The following USP31 variants were observed in gnomAD, a reference collection of about 807,000 sequenced individuals.
USP31 encodes the protein ubiquitin specific peptidase 31.
USP31 carries 44 observed loss-of-function variants against 119.4 expected under a neutral mutation model. That is an observed-to-expected ratio of 0.37 (90% confidence interval 0.29 to 0.47). The LOEUF (loss-of-function observed/expected upper bound fraction) is 0.47, where lower values mean the gene tolerates loss of function less well. Ranked by LOEUF, USP31 falls within the 20% of genes least tolerant of loss-of-function variation. USP31 has a pLI of 0.99. For synonymous variants in USP31, 749 were observed against 705.6 expected, an observed-to-expected ratio of 1.06 and a Z score of -0.97; for missense variants, 1,643 against 1,730.2, an observed-to-expected ratio of 0.95 and a Z score of 0.89.
At position 23,064,961 on chromosome 16, in the gene USP31, G is replaced by C. The variant is rs1031243007; in HGVS notation, c.*3085C>G. 86 of 152,278 alleles carry C rather than the reference G, an allele frequency of 5.6e-4. No homozygotes were observed. Among genetic ancestry groups the C allele is most frequent in the African/African-American group, 1.7e-3 (72 of 41,540 alleles). 9.4% of individuals were successfully genotyped at this position (152,278 alleles called of 1,614,324 possible). A position where few individuals can be genotyped will look rare whatever the true frequency, so the allele number is the denominator to read the frequency against. On this transcript the variant is annotated 3_prime_UTR_variant, in exon 16 of 16. Transcript: ENST00000219689. ...ATTATTACTTACTTTCAGTTCAGCT[G>C]CTTTCAGGACGAGAAAATACAAAAC...
intron 5 of USP31, 61 bp from the exon 6 acceptor site, chr16:23,102,524 C>A: frequency 1.3e-6 from 2 of 1,556,154 alleles, no homozygotes; most frequent in Non-Finnish European, 1.7e-6. Flanking sequence ...ATTGATCTCC[C>A]AATTCTATGA....
intron 1 of USP31, among the ~76,000 whole-genome samples, chr16:23,111,615 G>C (rs1327526876): frequency 6.6e-6 from 1 of 152,166 alleles, no homozygotes; most frequent in East Asian, 1.9e-4. Context: ...CAACAGATGG[G>C]GGGTGGTGGT....
chr16:23,122,480 CAT>C (rs1902704657), intron 1 of USP31, among the ~76,000 whole-genome samples: 2 of 152,288 alleles, frequency 1.3e-5, no homozygotes, highest in South Asian at 4.1e-4. Context: ...GGAACAAAAA[CAT>C]ATCTCCACAT....
chr16:23,130,115 G>A (rs1317794432), intron 1 of USP31, among the ~76,000 whole-genome samples: 1 of 152,188 alleles, frequency 6.6e-6, no homozygotes, highest in Non-Finnish European at 1.5e-5. Context: ...CTCTTTCCCT[G>A]TGTTCCTCTG....
intron 1 of USP31, among the ~76,000 whole-genome samples, chr16:23,146,050 A>AT (rs1903493442): frequency 6.6e-6 from 1 of 152,204 alleles, no homozygotes; most frequent in East Asian, 1.9e-4. Flanking sequence ...AGCTTAATGG[A>AT]TAAAAAAGTG....
chr16:23,142,442 C>T (rs1044601323), intron 1 of USP31, among the ~76,000 whole-genome samples: 13 of 152,206 alleles, frequency 8.5e-5, no homozygotes, highest in African/African-American at 2.4e-5. Context: ...AAATGTTACA[C>T]GTTTCAGCAC....
At chr16:23,140,842 G>A (rs1313907298) in intron 1 of USP31, among the ~76,000 whole-genome samples, 1 of 152,162 alleles carries the variant, frequency 6.6e-6, no homozygotes, top group African/African-American at 2.4e-5. Context: ...TATTCTGGAT[G>A]CTCTCCTCAA....
At position 23,149,324 on chromosome 16, in the gene USP31, G is replaced by A. The variant is rs889519184; in HGVS notation, c.-54C>T. The A allele has an allele frequency of 5.1e-3, 5,129 of 1,008,748 alleles. 18 individuals carry two copies. Among genetic ancestry groups the A allele is most frequent in the Non-Finnish European group, 5.8e-3 (4,892 of 847,880 alleles). The allele number at this position is 1,008,748 out of a possible 1,614,324, so 62.5% of individuals were successfully genotyped here. The stretch of plus-strand genomic sequence containing the variant: ...GCCCGCCCGCCCGGCCCGCGGCCCC[G>A]CCACGGCCGCCGCCGCATCCCGCAG... On this transcript the variant is annotated 5_prime_UTR_variant, in exon 1 of 16. Coordinates refer to ENST00000219689, the MANE Select transcript of USP31 (RefSeq NM_020718.4).
At chr16:23,145,511 G>A (rs562245944) in intron 1 of USP31, among the ~76,000 whole-genome samples, 29 of 152,226 alleles carry the variant, frequency 1.9e-4, no homozygotes, top group African/African-American at 6.5e-4. Flanking sequence ...CAATTGACAT[G>A]GTTATAGCCA....
chr16:23,148,888 G>C lies in USP31; in HGVS notation c.383C>G (p.Ala128Gly). 3 of 1,456,190 alleles carry C rather than the reference G, an allele frequency of 2.1e-6. No individual in the cohort carries two copies. Among genetic ancestry groups the C allele is most frequent in the Non-Finnish European group, 2.7e-6 (3 of 1,096,372 alleles). 90.2% of individuals were successfully genotyped at this position (1,456,190 alleles called of 1,614,324 possible). ...ACAAEPVPGVAGLRNHGNTCF... is the reference protein window; with the variant it reads ...ACAAEPVPGVGGLRNHGNTCF... ...CGTGTTGCCGTGGTTGCGGAGCCCC[G>C]CCACGCCGGGCACCGGCTCGGCGGC... The change falls in exon 1 of 16, where the codon GCG (alanine) becomes GGG (glycine). Residue 128 changes from alanine to glycine, a missense_variant. Coordinates refer to ENST00000219689, the MANE Select transcript of USP31 (RefSeq NM_020718.4).
chr16:23,106,091 A>G, intron 4 of USP31, 122 bp downstream of exon 4: 2 of 1,099,812 alleles, frequency 1.8e-6, no homozygotes, highest in South Asian at 1.5e-5. Context: ...CAATGACTGT[A>G]TTCAATCCCA....
intron 1 of USP31, among the ~76,000 whole-genome samples, chr16:23,110,083 C>T (rs1902257479): frequency 1.3e-5 from 2 of 152,128 alleles, no homozygotes; most frequent in South Asian, 4.1e-4. Flanking sequence ...TTAGTTATAA[C>T]AAATGCACTA....
chr16:23,127,642 GTTT>G (rs397766138), intron 1 of USP31, among the ~76,000 whole-genome samples: 3 of 128,142 alleles, frequency 2.3e-5, no homozygotes, highest in Admixed American at 8.0e-5. Context: ...AATTTTTGTA[GTTT>G]TTTTTTTTTT....
At chr16:23,096,021 TA>T (rs1432338985) in intron 6 of USP31, among the ~76,000 whole-genome samples, 1 of 152,156 alleles carries the variant, frequency 6.6e-6, no homozygotes, top group African/African-American at 2.4e-5. Flanking sequence ...GTAAATGGGC[TA>T]AATGCCCCAA....
intron 6 of USP31, among the ~76,000 whole-genome samples, chr16:23,095,059 G>A (rs1023080874): frequency 4.6e-5 from 7 of 152,072 alleles, no homozygotes; most frequent in Non-Finnish European, 1.0e-4. Context: ...AGCTAAAGGA[G>A]CATGTTCAAA....
intron 1 of USP31, among the ~76,000 whole-genome samples, chr16:23,126,636 A>T (rs1417006579): frequency 6.6e-6 from 1 of 151,638 alleles, no homozygotes; most frequent in South Asian, 2.1e-4. Flanking sequence ...CAAAAAAAAA[A>T]AAAAGAAATA....
chr16:23,112,977 G>A (rs951125138), intron 1 of USP31, among the ~76,000 whole-genome samples: 3 of 151,364 alleles, frequency 2.0e-5, no homozygotes, highest in Admixed American at 6.6e-5. Context: ...GCAGTGAGCC[G>A]AGATCATGCC....
At chr16:23,108,986 C>T (rs891650797) in intron 1 of USP31, among the ~76,000 whole-genome samples, 3 of 152,260 alleles carry the variant, frequency 2.0e-5, no homozygotes, top group South Asian at 2.1e-4. Flanking sequence ...AGAAAGTCCA[C>T]GCTTACAGTG....
intron 13 of USP31, among the ~76,000 whole-genome samples, chr16:23,075,230 G>A (rs890404657): frequency 6.6e-6 from 1 of 152,158 alleles, no homozygotes. Context: ...AACAGCAATT[G>A]GCCAGTGGCG....
Sources: gnomAD v4.1 joint callset for allele counts (sites outside exome capture counted in the v4.1 genomes callset) on GRCh38, gnomAD v4.1.1 for gene constraint, MANE v1.5 for transcripts, NCBI Gene and HGNC (gene_info 2026-07-23, HGNC 2026-07-21) for gene names.